PEBP4: variants seen among roughly 807,000 people sequenced by gnomAD.
PEBP4 encodes the protein phosphatidylethanolamine binding protein 4.
PEBP4 carries 22 observed loss-of-function variants against 23.9 expected under a neutral mutation model. That is an observed-to-expected ratio of 0.92 (90% CI 0.66 to 1.31). The LOEUF (loss-of-function observed/expected upper bound fraction) is 1.31. Among genes scored for constraint, PEBP4 ranks in the 40% most tolerant of loss-of-function variants. The pLI is 0.00. For synonymous variants in PEBP4, 112 were observed against 99.3 expected, an observed-to-expected ratio of 1.13 and a Z score of -0.76; for missense variants, 324 against 281.7, an observed-to-expected ratio of 1.15 and a Z score of -1.07.
chr8:22,825,694 A>C (rs1274348674), intron 3 of PEBP4, among the ~76,000 whole-genome samples: 1 of 152,142 alleles, frequency 6.6e-6, no homozygotes, highest in African/African-American at 2.4e-5. Flanking sequence ...TAAAAATAAG[A>C]CTGCTTATAT....
At chr8:22,727,248 G>A in intron 4 of PEBP4, 28 bp from the exon 5 acceptor site, 1 of 1,611,740 alleles carries the variant, frequency 6.2e-7, no homozygotes. Flanking sequence ...CAGGGCTGTA[G>A]GTTATGTCTT....
At chr8:22,800,478 A>G (rs1806359867) in intron 4 of PEBP4, among the ~76,000 whole-genome samples, 1 of 152,156 alleles carries the variant, frequency 6.6e-6, no homozygotes, top group South Asian at 2.1e-4. Flanking sequence ...CATCTGTGCC[A>G]TCAGCCCTGT....
intron 3 of PEBP4, among the ~76,000 whole-genome samples, chr8:22,850,451 G>A (rs13275938): frequency 2.4e-4 from 36 of 152,346 alleles, no homozygotes; most frequent in Non-Finnish European, 4.3e-4. Context: ...GGAAGCCAGA[G>A]AGCAAAGTCA....
At chr8:22,853,763 G>T (rs115825924) in intron 3 of PEBP4, among the ~76,000 whole-genome samples, 2,145 of 152,290 alleles carry the variant, frequency 0.014, 51 homozygotes, top group African/African-American at 0.049. Flanking sequence ...ATAAATGACA[G>T]CCTGAGTCCA....
chr8:22,756,370 T>G (rs1563206153), intron 4 of PEBP4, among the ~76,000 whole-genome samples: 1 of 152,198 alleles, frequency 6.6e-6, no homozygotes, highest in Non-Finnish European at 1.5e-5. Context: ...GAGCTAACAG[T>G]GAGCGAGGGA....
chr8:22,830,379 G>C (rs1807061546), intron 3 of PEBP4, among the ~76,000 whole-genome samples: 1 of 152,002 alleles, frequency 6.6e-6, no homozygotes, highest in Non-Finnish European at 1.5e-5. Context: ...TCCTGACCTT[G>C]TGTTGTGATC....
At chr8:22,782,248 A>G (rs1295928518) in intron 4 of PEBP4, among the ~76,000 whole-genome samples, 1 of 152,236 alleles carries the variant, frequency 6.6e-6, no homozygotes, top group African/African-American at 2.4e-5. Flanking sequence ...TCTTAGTGAT[A>G]CAAGGTGCCT....
chr8:22,817,833 G>T (rs1806777050), intron 3 of PEBP4, 98 bp from the exon 4 acceptor site: 3 of 1,091,264 alleles, frequency 2.7e-6, no homozygotes, highest in Admixed American at 1.8e-5. Flanking sequence ...ACCGAGAATG[G>T]CTGAGTAGCC....
At position 22,790,141 on chromosome 8, in the gene PEBP4, G is replaced by T. The variant is rs576286025; in HGVS notation, c.357+27496C>A. ...CAGAGCTGTGGTCTTTATTTCATAT[G>T]CCTGTTAACTTCCTTTTGTCATCCT... On this transcript the variant is annotated intron_variant, in intron 4 of 6. Coordinates refer to ENST00000256404, the MANE Select transcript of PEBP4 (RefSeq NM_144962.3). Among the ~76,000 whole-genome samples, 11 of 152,346 alleles carry T rather than the reference G, an allele frequency of 7.2e-5. No individual in the cohort carries two copies. The South Asian group carries it at 1.9e-3, about 26-fold the overall frequency.
At chr8:22,714,176 C>T (rs977138929) in intron 6 of PEBP4, among the ~76,000 whole-genome samples, 4 of 152,148 alleles carry the variant, frequency 2.6e-5, no homozygotes, top group Non-Finnish European at 4.4e-5. Flanking sequence ...GTGCCCAGGT[C>T]GGAGGGGTTC....
intron 4 of PEBP4, among the ~76,000 whole-genome samples, chr8:22,791,690 TCAGTG>T (rs1246979094): frequency 6.6e-6 from 1 of 152,162 alleles, no homozygotes; most frequent in Admixed American, 6.5e-5. Flanking sequence ...TATGTGTAAC[TCAGTG>T]CAGACTCCTA....
intron 4 of PEBP4, among the ~76,000 whole-genome samples, chr8:22,764,805 T>C (rs1805575515): frequency 6.6e-6 from 1 of 152,022 alleles, no homozygotes; most frequent in Non-Finnish European, 1.5e-5. Flanking sequence ...TGGTCACTCC[T>C]GTCCCCAAAT....
chr8:22,824,120 A>G (rs1243465088), intron 3 of PEBP4, among the ~76,000 whole-genome samples: 1 of 152,246 alleles, frequency 6.6e-6, no homozygotes, highest in Non-Finnish European at 1.5e-5. Context: ...GAAAACCAGA[A>G]AAATAGAAAG....
intron 4 of PEBP4, among the ~76,000 whole-genome samples, chr8:22,813,028 T>C (rs1256760301): frequency 6.6e-6 from 1 of 152,202 alleles, no homozygotes; most frequent in Non-Finnish European, 1.5e-5. Flanking sequence ...TGGCATGTGC[T>C]ACCCACATAA....
intron 4 of PEBP4, among the ~76,000 whole-genome samples, chr8:22,797,902 C>G (rs1330066746): frequency 2.6e-5 from 4 of 152,170 alleles, no homozygotes; most frequent in Admixed American, 1.3e-4. Context: ...AATAGCAATG[C>G]TCTGGGTACA....
intron 4 of PEBP4, among the ~76,000 whole-genome samples, chr8:22,735,157 G>A (rs574334504): frequency 6.6e-6 from 1 of 152,192 alleles, no homozygotes; most frequent in Admixed American, 6.5e-5. Context: ...TAAGACACAG[G>A]TCATGGTATA....
chr8:22,742,408 C>T (rs1440531779), intron 4 of PEBP4, among the ~76,000 whole-genome samples: 5 of 152,142 alleles, frequency 3.3e-5, no homozygotes, highest in South Asian at 2.1e-4. Flanking sequence ...GGGTGAGACC[C>T]CTCCCCTCCT....
At chr8:22,822,071 G>A (rs1319907970) in intron 3 of PEBP4, among the ~76,000 whole-genome samples, 3 of 151,796 alleles carry the variant, frequency 2.0e-5, no homozygotes. Flanking sequence ...GAGAAATGAA[G>A]GAAGGGATAA....
At chr8:22,846,153 G>A (rs1271790905) in intron 3 of PEBP4, among the ~76,000 whole-genome samples, 1 of 152,212 alleles carries the variant, frequency 6.6e-6, no homozygotes, top group African/African-American at 2.4e-5. Context: ...CATACACTGT[G>A]TGCACAGATC....
Sources: allele counts gnomAD v4.1 joint callset (sites outside exome capture counted in the v4.1 genomes callset), GRCh38; gene constraint gnomAD v4.1.1; transcripts MANE v1.5; gene names NCBI Gene and HGNC (gene_info 2026-07-23, HGNC 2026-07-21).